Variants in WBP2NL observed in about 807,000 individuals in gnomAD.
WBP2NL encodes postacrosomal sheath WW domain-binding protein.
Under a neutral mutation model 23.3 loss-of-function variants are expected in WBP2NL, and 27 were observed. The ratio of observed to expected loss-of-function variants is 1.16; its 90% confidence interval spans 0.85 to 1.60. The LOEUF (loss-of-function observed/expected upper bound fraction) is 1.60. Among genes scored for constraint, WBP2NL ranks in the 40% most tolerant of loss-of-function variants. The pLI is 0.00. For missense variants in WBP2NL, 370 were observed against 389.5 expected, an observed-to-expected ratio of 0.95 and a Z score of 0.42; for synonymous variants, 151 against 145.9, an observed-to-expected ratio of 1.03 and a Z score of -0.25.
chr22:42,023,771 A>C (rs1556298471), intron 5 of WBP2NL, among the ~76,000 whole-genome samples: 1 of 152,074 alleles, frequency 6.6e-6, no homozygotes, highest in Non-Finnish European at 1.5e-5. Context: ...CTGGGATTAC[A>C]GGCTTGAGCC....
At chr22:42,001,334 C>A in intron 1 of WBP2NL, 1 of 694,084 alleles carries the variant, frequency 1.4e-6, no homozygotes, top group Non-Finnish European at 2.6e-6. Flanking sequence ...CAACTGATGA[C>A]AATGTGAGTG....
At chr22:42,036,393 C>G (rs1342536334), downstream of WBP2NL, among the ~76,000 whole-genome samples, 2 of 152,200 alleles carry the variant, frequency 1.3e-5, no homozygotes, top group Non-Finnish European at 2.9e-5. Flanking sequence ...CCAGGATGGT[C>G]TTGATCTCTT....
chr22:42,020,672 T>C (rs1923810498), intron 4 of WBP2NL, among the ~76,000 whole-genome samples: 1 of 151,420 alleles, frequency 6.6e-6, no homozygotes, highest in African/African-American at 2.4e-5. Flanking sequence ...AGTTATTCTT[T>C]CTTTGGTGTG....
In WBP2NL at chr22:42,027,055, C is replaced by T. The variant is rs1569451852; in HGVS notation, c.804C>T (p.Gly268=). ...GAGCCCCACCTGCAGGAAATGAAGG[C>T]CCGCCTGCGGGATACAGAGCCTCAC... The part of the protein sequence containing the change: ...GYGAPPAGNE[G]PPAGYRASPA... Residue 268 remains glycine (G), a synonymous_variant, in exon 6 of 6, where the codon GGC becomes GGT. Transcript: ENST00000328823. 2 of 1,614,184 alleles carry T rather than the reference C, an allele frequency of 1.2e-6. No homozygotes were observed. The highest frequency in any genetic ancestry group is 4.5e-5 in the East Asian group (2 of 44,892).
chr22:42,037,841 G>C (rs1032279086), downstream of WBP2NL, among the ~76,000 whole-genome samples: 1 of 112,820 alleles, frequency 8.9e-6, no homozygotes, highest in Non-Finnish European at 1.8e-5. Flanking sequence ...GAGAGAGAGA[G>C]AGAGTGAGAG....
At chr22:41,998,994 C>T (rs1342145937) in intron 1 of WBP2NL, 114 bp downstream of exon 1, 3 of 1,255,530 alleles carry the variant, frequency 2.4e-6, no homozygotes, top group African/African-American at 3.0e-5. Context: ...TTGGGCGCGG[C>T]GCTCTTAGCT....
chr22:42,056,639 A>G (rs909171372), intron 8 of WBP2NL, among the ~76,000 whole-genome samples: 5 of 152,114 alleles, frequency 3.3e-5, no homozygotes, highest in Admixed American at 1.3e-4. Context: ...GTTTGGCCAA[A>G]TAACAAATTT....
intron 8 of WBP2NL, among the ~76,000 whole-genome samples, chr22:42,050,658 C>T (rs1925806082): frequency 7.7e-6 from 1 of 129,838 alleles, no homozygotes; most frequent in Admixed American, 8.7e-5. Flanking sequence ...CCCGTCCCCT[C>T]CCAAAAAAAA....
At chr22:42,019,927 C>T in intron 3 of WBP2NL, 77 bp from the exon 4 acceptor site, 3 of 1,592,872 alleles carry the variant, frequency 1.9e-6, no homozygotes, top group Non-Finnish European at 2.6e-6. Flanking sequence ...GGTAGTGCTT[C>T]CCTTGGTGTT....
At chr22:42,020,866 GTGTATATA>G (rs1358145143) in intron 4 of WBP2NL, among the ~76,000 whole-genome samples, 134 of 15,536 alleles carry the variant, frequency 8.6e-3, no homozygotes, top group East Asian at 0.054. Context: ...GTGTGTGTGT[GTGTATATA>G]TATATATATA....
At chr22:42,032,447 C>T (rs1925008802), downstream of WBP2NL, 1 of 213,176 alleles carries the variant, frequency 4.7e-6, no homozygotes, top group African/African-American at 2.3e-5. Flanking sequence ...TCTTAAGCAT[C>T]TATCCTAATC....
downstream of WBP2NL, among the ~76,000 whole-genome samples, chr22:42,029,476 A>G (rs143333223): frequency 6.8e-3 from 1,032 of 152,140 alleles, 1 homozygote; most frequent in Non-Finnish European, 0.012. Context: ...GGTTCAGGCA[A>G]TTCTCGTGCC....
chr22:42,011,809 G>GTTTT (rs1922846398), intron 1 of WBP2NL, among the ~76,000 whole-genome samples: 1 of 151,742 alleles, frequency 6.6e-6, no homozygotes, highest in Non-Finnish European at 1.5e-5. Context: ...GTCTTACTCT[G>GTTTT]TCGCCCAGGC....
At chr22:42,048,649 T>A (rs2146822314) in intron 8 of WBP2NL, among the ~76,000 whole-genome samples, 1 of 148,830 alleles carries the variant, frequency 6.7e-6, no homozygotes, top group South Asian at 2.1e-4. Context: ...CCAGCTACTC[T>A]GGAGGCTGAG....
intron 1 of WBP2NL, among the ~76,000 whole-genome samples, chr22:42,018,500 AAAAG>A (rs1487636462): frequency 1.3e-5 from 2 of 151,932 alleles, no homozygotes; most frequent in Admixed American, 6.6e-5. Context: ...AGAAAGAAAG[AAAAG>A]AAAGAAAGAT....
chr22:42,028,258 A>G lies in WBP2NL; in HGVS notation c.*1077A>G, dbSNP rs1160777729. The G allele has an allele frequency of 5.1e-6, 2 of 394,916 alleles. No individual in the cohort carries two copies. The highest frequency in any genetic ancestry group is 4.5e-6 in the Non-Finnish European group (1 of 224,426). 24.5% of individuals were successfully genotyped at this position (394,916 alleles called of 1,614,324 possible). ...GCAAGTTGTAGGGAGCATATACTAT[A>G]GTGATTTTCAGCCTCATCAGACTGA... On this transcript the variant is annotated 3_prime_UTR_variant, in exon 6 of 6. Coordinates refer to ENST00000328823, the MANE Select transcript of WBP2NL (RefSeq NM_152613.3).
intron 1 of WBP2NL, among the ~76,000 whole-genome samples, chr22:42,004,765 A>C (rs1366696357): frequency 6.6e-6 from 1 of 151,954 alleles, no homozygotes; most frequent in Non-Finnish European, 1.5e-5. Context: ...CTCTACTAAA[A>C]ATACAAAAAA....
chr22:42,043,117 G>A (rs1182329351), intron 8 of WBP2NL, among the ~76,000 whole-genome samples: 1 of 152,056 alleles, frequency 6.6e-6, no homozygotes, highest in Admixed American at 6.6e-5. Context: ...TCAGGAGTGG[G>A]TGGGCAGCAT....
At chr22:42,025,003 ATGT>A (rs1352691313) in intron 5 of WBP2NL, among the ~76,000 whole-genome samples, 7 of 152,300 alleles carry the variant, frequency 4.6e-5, no homozygotes, top group African/African-American at 1.4e-4. Flanking sequence ...TAGTTTCACC[ATGT>A]TGTTCAGACT....
Sources: gnomAD v4.1 joint callset for allele counts (sites outside exome capture counted in the v4.1 genomes callset) on GRCh38, gnomAD v4.1.1 for gene constraint, MANE v1.5 for transcripts, NCBI Gene and HGNC (gene_info 2026-07-23, HGNC 2026-07-21) for gene names.